CDKL3: variants seen among roughly 807,000 people sequenced by gnomAD.
CDKL3 encodes the protein cyclin dependent kinase like 3.
A neutral mutation model predicts 69.3 loss-of-function variants in CDKL3; 65 were observed. The ratio of observed to expected loss-of-function variants is 0.94; its 90% confidence interval spans 0.77 to 1.15. The LOEUF (loss-of-function observed/expected upper bound fraction) is 1.15. Among genes scored for constraint, CDKL3 ranks in the 50% most tolerant of loss-of-function variants. The pLI is 0.00. For synonymous variants in CDKL3, 202 were observed against 221.6 expected (o/e 0.91, Z 0.79); for missense variants, 652 against 689.2 (o/e 0.95, Z 0.61).
chr5:134,333,633 T>G (rs1221728490), intron 4 of CDKL3, among the ~76,000 whole-genome samples: 1 of 152,254 alleles, frequency 6.6e-6, no homozygotes, highest in Admixed American at 6.5e-5. Context: ...TTGTGTATGT[T>G]GAACCAGGCT....
At chr5:134,312,167 T>C (rs1486119236) in intron 7 of CDKL3, 125 bp downstream of exon 7, 1 of 651,200 alleles carries the variant, frequency 1.5e-6, no homozygotes, top group East Asian at 2.9e-5. Flanking sequence ...ATACAATAAC[T>C]CAATAAATTT....
In CDKL3 at chr5:134,367,077, T is replaced by G. The variant is rs140191664; in HGVS notation, c.-122A>C. Reference sequence around the variant, plus strand: ...CTGGTCTGGCTCTGCGTAGTTCCAGTGGAGCCACCGAACACTGATACTACT... The same window carrying G: ...CTGGTCTGGCTCTGCGTAGTTCCAGGGGAGCCACCGAACACTGATACTACT... On this transcript the variant is annotated 5_prime_UTR_variant, in exon 1 of 13. Coordinates refer to ENST00000265334, the MANE Select transcript of CDKL3 (RefSeq NM_001113575.2). 1.0e-6 allele frequency: 1 copy of G among 986,774 alleles called. No individual in the cohort carries two copies. The highest frequency in any genetic ancestry group is 1.2e-6 in the Non-Finnish European group (1 of 830,964). 61.1% of individuals were successfully genotyped at this position (986,774 alleles called of 1,614,324 possible). A position where few individuals can be genotyped will look rare whatever the true frequency, so the allele number is the denominator to read the frequency against.
At chr5:134,361,945 T>C (rs1238505295) in intron 2 of CDKL3, among the ~76,000 whole-genome samples, 1 of 152,146 alleles carries the variant, frequency 6.6e-6, no homozygotes, top group Non-Finnish European at 1.5e-5. Flanking sequence ...ATTAATCCTC[T>C]ACTTAAGGAA....
intron 7 of CDKL3, among the ~76,000 whole-genome samples, chr5:134,309,858 G>T (rs567455978): frequency 2.6e-5 from 4 of 152,194 alleles, no homozygotes; most frequent in African/African-American, 9.6e-5. Context: ...TTCAGACACG[G>T]TCTCTCTCTG....
chr5:134,309,405 C>T (rs111283904), intron 7 of CDKL3, among the ~76,000 whole-genome samples: 3 of 152,288 alleles, frequency 2.0e-5, no homozygotes, highest in African/African-American at 7.2e-5. Flanking sequence ...AGTAATAGAA[C>T]TTTAAAAATG....
rs371656970 is a variant in CDKL3, at chr5:134,305,203, T to C, written c.1459-636A>G. ...CCATTACGGCTGCAGCCTCAACCTCTTGGGCTCAAGCCATAGTCCCATCTT... is the reference window on the plus strand; with the variant it reads ...CCATTACGGCTGCAGCCTCAACCTCCTGGGCTCAAGCCATAGTCCCATCTT... On this transcript the variant is annotated intron_variant, in intron 10 of 12. Transcript: ENST00000265334. Among the ~76,000 whole-genome samples, 6 of 152,148 alleles carry C rather than the reference T, an allele frequency of 3.9e-5. No individual in the cohort carries two copies. The East Asian group carries it at 1.2e-3, about 29-fold the overall frequency.
intron 4 of CDKL3, among the ~76,000 whole-genome samples, chr5:134,326,825 A>ATATATGTGTGTG (rs1357591288): frequency 0.014 from 1,413 of 103,744 alleles, 12 homozygotes; most frequent in African/African-American, 0.019. Flanking sequence ...GTGTATATAT[A>ATATATGTGTGTG]TATATATATA....
At chr5:134,339,604 T>C (rs1005247899) in intron 4 of CDKL3, among the ~76,000 whole-genome samples, 1 of 152,100 alleles carries the variant, frequency 6.6e-6, no homozygotes, top group African/African-American at 2.4e-5. Flanking sequence ...AGAACAACAA[T>C]AGAATATACA....
intron 4 of CDKL3, among the ~76,000 whole-genome samples, chr5:134,323,287 C>A (rs1039652096): frequency 6.6e-6 from 1 of 152,028 alleles, no homozygotes; most frequent in Non-Finnish European, 1.5e-5. Flanking sequence ...TATATATATA[C>A]CTCAAAACAT....
At chr5:134,306,750 C>CT (rs11414446) in intron 9 of CDKL3, 48 bp from the exon 10 acceptor site, 73,044 of 221,406 alleles carry the variant, frequency 0.33, 9,883 homozygotes, top group East Asian at 0.42. Context: ...CCCAGAAATG[C>CT]TTTTTTTTTT....
intron 6 of CDKL3, among the ~76,000 whole-genome samples, chr5:134,315,277 TG>T (rs1298477625): frequency 1.3e-5 from 2 of 151,402 alleles, no homozygotes; most frequent in African/African-American, 4.8e-5. Flanking sequence ...AAGATTAATG[TG>T]TTTTTTTTCA....
intron 4 of CDKL3, among the ~76,000 whole-genome samples, chr5:134,326,917 A>T (rs1377906622): frequency 2.0e-5 from 3 of 149,046 alleles, no homozygotes; most frequent in African/African-American, 7.4e-5. Flanking sequence ...TAAAATGAAG[A>T]TTTATTTATC....
intron 3 of CDKL3, among the ~76,000 whole-genome samples, chr5:134,355,719 T>C (rs1269257016): frequency 2.0e-5 from 3 of 152,342 alleles, no homozygotes; most frequent in Middle Eastern, 3.4e-3. Flanking sequence ...TCCATAAATA[T>C]ATGTTATCTG....
chr5:134,296,405 T>C (rs1765351804), downstream of CDKL3, among the ~76,000 whole-genome samples: 1 of 152,170 alleles, frequency 6.6e-6, no homozygotes, highest in Non-Finnish European at 1.5e-5. Flanking sequence ...AAGACAGTCA[T>C]ACATATTCAG....
intron 6 of CDKL3, among the ~76,000 whole-genome samples, chr5:134,316,644 G>A (rs1015077704): frequency 5.9e-5 from 9 of 151,920 alleles, no homozygotes; most frequent in African/African-American, 2.2e-4. Flanking sequence ...ATAGCGGGGG[G>A]AAAATCGAAA....
intron 4 of CDKL3, among the ~76,000 whole-genome samples, chr5:134,345,553 C>T (rs1366554757): frequency 3.3e-5 from 5 of 152,108 alleles, no homozygotes; most frequent in South Asian, 2.1e-4. Flanking sequence ...GGGCTGAGTC[C>T]GAAAAGAGAG....
At chr5:134,345,687 C>G (rs573886372) in intron 4 of CDKL3, among the ~76,000 whole-genome samples, 19 of 152,208 alleles carry the variant, frequency 1.2e-4, no homozygotes, top group African/African-American at 3.9e-4. Context: ...AGTGGGGGAG[C>G]TTTTGAGCCT....
At chr5:134,312,658 T>C (rs778370822) in intron 6 of CDKL3, among the ~76,000 whole-genome samples, 1 of 152,248 alleles carries the variant, frequency 6.6e-6, no homozygotes, top group Non-Finnish European at 1.5e-5. Flanking sequence ...AAAAATTAAT[T>C]AGCTCATTTT....
chr5:134,370,708 C>A (rs1758289466), upstream of CDKL3, among the ~76,000 whole-genome samples: 1 of 152,234 alleles, frequency 6.6e-6, no homozygotes, highest in Admixed American at 6.5e-5. Flanking sequence ...GAAAGACTAT[C>A]TGGTAGCTTC....
Sources: gnomAD v4.1 joint callset for allele counts (sites outside exome capture counted in the v4.1 genomes callset) on GRCh38, gnomAD v4.1.1 for gene constraint, MANE v1.5 for transcripts, NCBI Gene and HGNC (gene_info 2026-07-23, HGNC 2026-07-21) for gene names.